The following BBS9 variants were observed in gnomAD, a reference collection of about 807,000 sequenced individuals.
The protein encoded by BBS9 is protein PTHB1.
BBS9 carries 89 observed loss-of-function variants against 117.7 expected under a neutral mutation model. The observed-to-expected ratio is 0.76, with a 90% CI of 0.64 to 0.90. The LOEUF (loss-of-function observed/expected upper bound fraction) is 0.90, where lower values mean the gene tolerates loss of function less well. Ranked by LOEUF, BBS9 falls within the 40% of genes least tolerant of loss-of-function variation. BBS9 has a pLI of 0.00. For synonymous variants in BBS9, 379 were observed against 370.9 expected (o/e 1.02, Z -0.25); for missense variants, 982 against 1,042.2 (o/e 0.94, Z 0.80).
chr7:33,272,408 G>A (rs7799346), intron 7 of BBS9, among the ~76,000 whole-genome samples: 12,504 of 152,142 alleles, frequency 0.082, 548 homozygotes, highest in South Asian at 0.13. Flanking sequence ...TTTCAAAATG[G>A]TGTGTCTTTG....
intron 19 of BBS9, among the ~76,000 whole-genome samples, chr7:33,404,126 T>G (rs1376746738): frequency 6.6e-6 from 1 of 152,174 alleles, no homozygotes; most frequent in African/African-American, 2.4e-5. Flanking sequence ...CTTGTTTTTC[T>G]CAGGTTTGTC....
chr7:33,474,852 A>G (rs1373071396), intron 19 of BBS9, among the ~76,000 whole-genome samples: 1 of 152,126 alleles, frequency 6.6e-6, no homozygotes, highest in African/African-American at 2.4e-5. Flanking sequence ...AGGCTGAGGC[A>G]GAGAATTGCT....
chr7:33,313,069 G>GCA (rs1158865947), intron 9 of BBS9, among the ~76,000 whole-genome samples: 2 of 151,254 alleles, frequency 1.3e-5, no homozygotes, highest in Non-Finnish European at 2.9e-5. Flanking sequence ...GTGTGTGCGC[G>GCA]CACAGGCACG....
At chr7:33,513,101 T>C (rs559822228) in intron 20 of BBS9, among the ~76,000 whole-genome samples, 1 of 152,268 alleles carries the variant, frequency 6.6e-6, no homozygotes, top group African/African-American at 2.4e-5. Flanking sequence ...CATATCTCAT[T>C]TCTAAAGCTC....
chr7:33,335,085 TG>T (rs56232400), intron 9 of BBS9, among the ~76,000 whole-genome samples: 3,315 of 152,332 alleles, frequency 0.022, 42 homozygotes, highest in Non-Finnish European at 0.034. Context: ...CTACCTGCCA[TG>T]ATCCACTGTT....
intron 19 of BBS9, among the ~76,000 whole-genome samples, chr7:33,437,377 C>T (rs759426440): frequency 2.6e-5 from 4 of 152,166 alleles, no homozygotes; most frequent in Admixed American, 6.5e-5. Context: ...AGTGCTATAT[C>T]AGGTTAACTC....
chr7:33,564,739 A>G (rs1856598925), intron 21 of BBS9, among the ~76,000 whole-genome samples: 1 of 152,228 alleles, frequency 6.6e-6, no homozygotes, highest in African/African-American at 2.4e-5. Flanking sequence ...TGTGATGAGA[A>G]TAACAACAAT....
chr7:33,461,374 A>C (rs982423662), intron 19 of BBS9, among the ~76,000 whole-genome samples: 3 of 152,036 alleles, frequency 2.0e-5, no homozygotes, highest in African/African-American at 7.2e-5. Flanking sequence ...ATCAAAATCA[A>C]AATGCTCAAT....
chr7:33,462,267 T>A (rs1465418930), intron 19 of BBS9, among the ~76,000 whole-genome samples: 1 of 152,128 alleles, frequency 6.6e-6, no homozygotes, highest in African/African-American at 2.4e-5. Context: ...CTGTCTTTTG[T>A]ATCCCAGATA....
At chr7:33,545,711 C>A (rs79210882) in intron 21 of BBS9, among the ~76,000 whole-genome samples, 180 of 152,104 alleles carry the variant, frequency 1.2e-3, no homozygotes, top group African/African-American at 4.3e-3. Context: ...CTGTCATGAT[C>A]CCCTGAATCG....
In BBS9 at chr7:33,130,050, G is replaced by A. The variant is rs950364031; in HGVS notation, c.-12+9G>A. On this transcript the variant is annotated intron_variant, in intron 1 of 22. Coordinates refer to ENST00000242067, the MANE Select transcript of BBS9 (RefSeq NM_198428.3). Reference sequence around the variant, plus strand: ...ATCTGACGTGGCATCAGGTAAGATGGTATGTCTGTTGTTAAACTTCGGGTA... The same window carrying A: ...ATCTGACGTGGCATCAGGTAAGATGATATGTCTGTTGTTAAACTTCGGGTA... 1 of 152,194 alleles carries A rather than the reference G, an allele frequency of 6.6e-6. No individual in the cohort carries two copies. Among genetic ancestry groups the A allele is most frequent in the Non-Finnish European group, 1.5e-5 (1 of 68,026 alleles). The allele number at this position is 152,194 out of a possible 1,614,324, so 9.4% of individuals were successfully genotyped here.
Position 33,387,265 on chromosome 7 carries a change from C to T in BBS9, c.1963-727C>T, listed in dbSNP as rs117971960. On this transcript the variant is annotated intron_variant, in intron 18 of 22. Coordinates refer to ENST00000242067, the MANE Select transcript of BBS9 (RefSeq NM_198428.3). Reference sequence around the variant, plus strand: ...AGAAGTGGGATTGTTAGGTCAAAGGCGTATGTTTAAGAGGTATTTGTATTA... The same window carrying T: ...AGAAGTGGGATTGTTAGGTCAAAGGTGTATGTTTAAGAGGTATTTGTATTA... 2.4e-4 allele frequency among the ~76,000 whole-genome samples: 36 copies of T among 152,138 alleles called. No homozygotes were observed. The East Asian group carries it at 2.9e-3, about 12-fold the overall frequency.
intron 5 of BBS9, among the ~76,000 whole-genome samples, chr7:33,245,242 A>G (rs1385752641): frequency 8.0e-5 from 3 of 37,472 alleles, no homozygotes; most frequent in South Asian, 1.1e-3. Flanking sequence ...TTTATTTCCT[A>G]TATTTTTTAT....
intron 21 of BBS9, among the ~76,000 whole-genome samples, chr7:33,538,773 T>TAAA (rs56727625): frequency 6.9e-6 from 1 of 144,732 alleles, no homozygotes. Flanking sequence ...ATCTTGACAT[T>TAAA]AAAAAAAAAA....
At chr7:33,346,070 T>C (rs923010277) in intron 12 of BBS9, among the ~76,000 whole-genome samples, 1 of 152,210 alleles carries the variant, frequency 6.6e-6, no homozygotes, top group African/African-American at 2.4e-5. Flanking sequence ...GTCTTTCTCA[T>C]TGCCATTATA....
chr7:33,204,500 C>T (rs1583613517), intron 5 of BBS9, among the ~76,000 whole-genome samples: 1 of 151,546 alleles, frequency 6.6e-6, no homozygotes, highest in Non-Finnish European at 1.5e-5. Context: ...AGATTATCAG[C>T]AGTGGAAGCT....
intron 5 of BBS9, among the ~76,000 whole-genome samples, chr7:33,255,843 T>C (rs1489501349): frequency 6.6e-6 from 1 of 152,046 alleles, no homozygotes; most frequent in Non-Finnish European, 1.5e-5. Context: ...AATAGCATAG[T>C]GGATAAGGAT....
At chr7:33,141,708 A>T (rs139163025) in intron 1 of BBS9, among the ~76,000 whole-genome samples, 125 of 152,074 alleles carry the variant, frequency 8.2e-4, no homozygotes, top group African/African-American at 2.9e-3. Context: ...TTTTTTGTAG[A>T]TAGTTCTAAG....
intron 17 of BBS9, among the ~76,000 whole-genome samples, chr7:33,369,744 C>G (rs1049221109): frequency 6.6e-6 from 1 of 152,138 alleles, no homozygotes; most frequent in African/African-American, 2.4e-5. Flanking sequence ...ACTGCTTTAT[C>G]AGAGTATTCA....
Sources: gnomAD v4.1 joint callset for allele counts (sites outside exome capture counted in the v4.1 genomes callset) on GRCh38, gnomAD v4.1.1 for gene constraint, MANE v1.5 for transcripts, NCBI Gene and HGNC (gene_info 2026-07-23, HGNC 2026-07-21) for gene names.